GRIP1: variants seen among roughly 807,000 people sequenced by gnomAD.
The protein encoded by GRIP1 is glutamate receptor-interacting protein 1.
Under a neutral mutation model 129.9 loss-of-function variants are expected in GRIP1, and 45 were observed. The observed-to-expected ratio is 0.35, with a 90% CI of 0.27 to 0.44. GRIP1 has a LOEUF of 0.44. GRIP1 is among the 20% of genes least tolerant of loss of function. The probability of loss-of-function intolerance (pLI) is 1.00; values close to 1 mark genes in which losing one functional copy is unlikely to be tolerated. For synonymous variants in GRIP1, 530 were observed against 520.8 expected (o/e 1.02, Z -0.24); for missense variants, 1,196 against 1,396.8 (o/e 0.86, Z 2.29).
chr12:66,620,385 A>G (rs1319066093), intron 1 of GRIP1, among the ~76,000 whole-genome samples: 1 of 152,134 alleles, frequency 6.6e-6, no homozygotes, highest in African/African-American at 2.4e-5. Flanking sequence ...GATTCCCTGT[A>G]CCCAAAAGGA....
intron 2 of GRIP1, among the ~76,000 whole-genome samples, chr12:66,574,073 T>C (rs1024886629): frequency 2.6e-5 from 4 of 152,236 alleles, no homozygotes; most frequent in African/African-American, 9.6e-5. Context: ...TTTGCTGTTC[T>C]CTTTTGCAAA....
At chr12:66,847,904 TG>T (rs1369454520) in intron 1 of GRIP1, among the ~76,000 whole-genome samples, 1 of 152,232 alleles carries the variant, frequency 6.6e-6, no homozygotes, top group African/African-American at 2.4e-5. Context: ...ATTTCCTTTT[TG>T]TTGGCACATT....
chr12:66,700,988 C>T (rs1233152906), intron 1 of GRIP1, among the ~76,000 whole-genome samples: 4 of 152,120 alleles, frequency 2.6e-5, no homozygotes, highest in African/African-American at 9.7e-5. Flanking sequence ...ATGAGACAGG[C>T]TAACCTCATT....
chr12:66,676,998 G>A (rs908389153), intron 1 of GRIP1, among the ~76,000 whole-genome samples: 4 of 152,148 alleles, frequency 2.6e-5, no homozygotes, highest in African/African-American at 9.7e-5. Context: ...TATTTGGACA[G>A]CCAGTTAAAC....
At chr12:66,875,278 G>A (rs2040364668) in intron 1 of GRIP1, among the ~76,000 whole-genome samples, 1 of 151,964 alleles carries the variant, frequency 6.6e-6, no homozygotes, top group African/African-American at 2.4e-5. Context: ...TTCACATCCT[G>A]CACTGCCATC....
chr12:66,714,535 CTAAA>C (rs1409031525), intron 1 of GRIP1, among the ~76,000 whole-genome samples: 2 of 152,138 alleles, frequency 1.3e-5, no homozygotes, highest in East Asian at 3.9e-4. Flanking sequence ...TGTAATTATA[CTAAA>C]TAGCCTCTTT....
At chr12:66,974,802 T>G (rs552218940) in intron 1 of GRIP1, among the ~76,000 whole-genome samples, 2 of 152,304 alleles carry the variant, frequency 1.3e-5, no homozygotes, top group East Asian at 1.9e-4. Flanking sequence ...CCTAATTAAG[T>G]GTAATTTTCA....
At chr12:66,733,907 A>G (rs1400614552) in intron 1 of GRIP1, among the ~76,000 whole-genome samples, 1 of 152,174 alleles carries the variant, frequency 6.6e-6, no homozygotes, top group Admixed American at 6.5e-5. Context: ...GACATTTCAG[A>G]GGTAAGTGTG....
intron 1 of GRIP1, among the ~76,000 whole-genome samples, chr12:66,967,363 T>C (rs1180232070): frequency 6.6e-6 from 1 of 152,194 alleles, no homozygotes; most frequent in Non-Finnish European, 1.5e-5. Context: ...CTAGTCACCA[T>C]ACTATGCAAT....
In GRIP1 at chr12:66,929,367, T is replaced by C. The variant is rs538435604; in HGVS notation, c.58+139683A>G. Among the ~76,000 whole-genome samples, 4 of 152,306 alleles carry C rather than the reference T, an allele frequency of 2.6e-5. No individual in the cohort carries two copies. In the East Asian group the frequency reaches 5.8e-4, roughly 22 times the overall value. On this transcript the variant is annotated intron_variant, in intron 1 of 1. Coordinates refer to the GRIP1 transcript ENST00000643019. ...AACTCCAGTTTCTCTCTACCATATA[T>C]GACTTGGTTCCTTCACAAGACATAT...
At chr12:66,905,178 T>C (rs1321632315) in intron 1 of GRIP1, among the ~76,000 whole-genome samples, 1 of 152,248 alleles carries the variant, frequency 6.6e-6, no homozygotes, top group African/African-American at 2.4e-5. Flanking sequence ...GTTTCCTTTT[T>C]ACTTTAAATT....
intron 4 of GRIP1, among the ~76,000 whole-genome samples, chr12:66,532,903 G>A (rs2061499894): frequency 6.6e-6 from 1 of 152,156 alleles, no homozygotes; most frequent in African/African-American, 2.4e-5. Context: ...GAAAGGTCAT[G>A]TGAGTTAGCT....
intron 1 of GRIP1, among the ~76,000 whole-genome samples, chr12:66,716,013 T>C (rs1452277908): frequency 1.3e-5 from 2 of 151,914 alleles, no homozygotes; most frequent in African/African-American, 4.8e-5. Context: ...CTAAGGAAGA[T>C]TTGCTGTTGG....
chr12:66,834,938 G>C lies in GRIP1; in HGVS notation c.58+234112C>G, dbSNP rs200582041. Among the ~76,000 whole-genome samples, 161 of 87,078 alleles carry C rather than the reference G, an allele frequency of 1.8e-3. 1 individual carries two copies. The highest frequency in any genetic ancestry group is 5.2e-3 in the South Asian group (10 of 1,934). 57.1% of individuals were successfully genotyped at this position (87,078 alleles called of 152,430 possible). A position where few individuals can be genotyped will look rare whatever the true frequency, so the allele number is the denominator to read the frequency against. ...AGACTCGTCTCTTTAAAAAAAAAAG[G>C]GGGGGGGGCAGGAGTAGGGGAGGAA... On this transcript the variant is annotated intron_variant, in intron 1 of 1. Coordinates refer to the GRIP1 transcript ENST00000643019.
chr12:66,988,082 A>C (rs1272056209), intron 1 of GRIP1, among the ~76,000 whole-genome samples: 2 of 152,192 alleles, frequency 1.3e-5, no homozygotes, highest in East Asian at 3.8e-4. Context: ...AGAAACAATA[A>C]ATAAACTTAA....
At chr12:66,846,568 C>T (rs1283413582) in intron 1 of GRIP1, among the ~76,000 whole-genome samples, 1 of 152,146 alleles carries the variant, frequency 6.6e-6, no homozygotes, top group Non-Finnish European at 1.5e-5. Flanking sequence ...AGATGACTAA[C>T]ACCGAAAAAA....
rs190298179 is a variant in GRIP1 at position 66,421,540 on chromosome 12, G to A, written c.1769-751C>T. On this transcript the variant is annotated intron_variant, in intron 14 of 24. Coordinates refer to ENST00000359742, the MANE Select transcript of GRIP1 (RefSeq NM_001366722.1). The stretch of plus-strand genomic sequence containing the variant: ...AGCCTGGGCAACAGAGCAAAACTCC[G>A]TCTTGATCAATCAATCAATAAAGTT... Among the ~76,000 whole-genome samples the A allele has an allele frequency of 3.0e-3, 463 of 152,086 alleles. 1 individual carries two copies. Among genetic ancestry groups the A allele is most frequent in the African/African-American group, 8.1e-3 (336 of 41,498 alleles).
intron 13 of GRIP1, among the ~76,000 whole-genome samples, chr12:66,440,544 A>G (rs946693641): frequency 6.6e-6 from 1 of 152,154 alleles, no homozygotes; most frequent in Non-Finnish European, 1.5e-5. Context: ...TAGCTCCCAC[A>G]GTTAAGTGAG....
intron 1 of GRIP1, among the ~76,000 whole-genome samples, chr12:66,852,974 G>C (rs1057237076): frequency 3.3e-5 from 5 of 151,816 alleles, no homozygotes; most frequent in African/African-American, 1.2e-4. Flanking sequence ...GCAAGCATAA[G>C]AGTAAGTAAA....
Sources: gnomAD v4.1 joint callset for allele counts (sites outside exome capture counted in the v4.1 genomes callset) on GRCh38, gnomAD v4.1.1 for gene constraint, MANE v1.5 for transcripts, NCBI Gene and HGNC (gene_info 2026-07-23, HGNC 2026-07-21) for gene names.